CFAP77: variants seen among roughly 807,000 people sequenced by gnomAD.
The protein encoded by CFAP77 is cilia- and flagella-associated protein 77.
A neutral mutation model predicts 31.1 loss-of-function variants in CFAP77; 25 were observed. The ratio of observed to expected loss-of-function variants is 0.80; its 90% CI spans 0.59 to 1.12. The LOEUF is 1.12. Ranked by LOEUF, CFAP77 falls within the 50% of genes most tolerant of loss-of-function variation. The pLI is 0.00. For missense variants in CFAP77, 377 were observed against 397.3 expected, an observed-to-expected ratio of 0.95 and a Z score of 0.44; for synonymous variants, 151 against 159.9, an observed-to-expected ratio of 0.94 and a Z score of 0.42.
chr9:132,556,473 G>C (rs1220853872), intron 5 of CFAP77, among the ~76,000 whole-genome samples: 1 of 152,114 alleles, frequency 6.6e-6, no homozygotes, highest in Non-Finnish European at 1.5e-5. Context: ...CATTGAAAGC[G>C]GCCTCACTGT....
chr9:132,560,152 T>C (rs564235852), intron 5 of CFAP77, among the ~76,000 whole-genome samples: 1 of 152,262 alleles, frequency 6.6e-6, no homozygotes, highest in East Asian at 1.9e-4. Flanking sequence ...AGGTTTATGG[T>C]ATGTGAATTA....
chr9:132,429,204 C>T (rs1490436716), intron 1 of CFAP77, among the ~76,000 whole-genome samples: 1 of 151,698 alleles, frequency 6.6e-6, no homozygotes, highest in Non-Finnish European at 1.5e-5. Context: ...AGTGGTTTTT[C>T]TTCTGAGTAT....
In CFAP77 at chr9:132,481,546, G is replaced by A. The variant is rs1851446838; in HGVS notation, c.196-17149G>A. Among the ~76,000 whole-genome samples, 1 of 152,224 alleles carries A rather than the reference G, an allele frequency of 6.6e-6. No individual in the cohort carries two copies. Among genetic ancestry groups the A allele is most frequent in the African/African-American group, 2.4e-5 (1 of 41,452 alleles). ...TGGCTGCTGCCCCGCTCCTGCTAGA[G>A]GAGGAGAAGCATTGCTGCTGAGGCC... On this transcript the variant is annotated intron_variant, in intron 1 of 5. Coordinates refer to ENST00000393216, the MANE Select transcript of CFAP77 (RefSeq NM_001282957.2). The surrounding 1 kb of genome is among the most constrained non-coding windows in gnomAD (Gnocchi z 5.0).
intron 1 of CFAP77, among the ~76,000 whole-genome samples, chr9:132,488,355 G>C (rs1327790689): frequency 6.6e-6 from 1 of 152,204 alleles, no homozygotes; most frequent in Non-Finnish European, 1.5e-5. Context: ...AACAAAGCCA[G>C]CTGGCTTCCC....
chr9:132,448,010 G>T (rs1221410056), intron 1 of CFAP77, among the ~76,000 whole-genome samples: 1 of 152,224 alleles, frequency 6.6e-6, no homozygotes, highest in East Asian at 1.9e-4. Flanking sequence ...TATGTGCTTT[G>T]TTTGGGAGTG....
chr9:132,472,139 T>C (rs1233581981), intron 1 of CFAP77, among the ~76,000 whole-genome samples: 1 of 152,174 alleles, frequency 6.6e-6, no homozygotes, highest in Non-Finnish European at 1.5e-5. Context: ...TCCTTTCTGT[T>C]ACTCAGAAAA....
intron 3 of CFAP77, among the ~76,000 whole-genome samples, chr9:132,532,922 G>A (rs57559460): frequency 0.02 from 3,056 of 152,282 alleles, 95 homozygotes; most frequent in Admixed American, 0.079. Context: ...ATATGGTGGC[G>A]CACGCCTGAG....
chr9:132,443,349 G>A (rs1423130126), intron 1 of CFAP77, among the ~76,000 whole-genome samples: 2 of 151,672 alleles, frequency 1.3e-5, no homozygotes, highest in Admixed American at 1.3e-4. Context: ...CGCCTCCCGG[G>A]TTCAAGCGAT....
chr9:132,562,146 C>T (rs1257487573), intron 5 of CFAP77, among the ~76,000 whole-genome samples: 1 of 152,192 alleles, frequency 6.6e-6, no homozygotes, highest in South Asian at 2.1e-4. Flanking sequence ...GAATCCTGCC[C>T]ACATCTCCAA....
chr9:132,485,888 G>A (rs1474025220), intron 1 of CFAP77, among the ~76,000 whole-genome samples: 10 of 148,748 alleles, frequency 6.7e-5, no homozygotes, highest in African/African-American at 2.5e-4. Flanking sequence ...ACAAGGAATC[G>A]GGGCCCAGGT....
rs1040050296 is a variant in CFAP77, at chr9:132,480,369, C to T, written c.196-18326C>T. 5.9e-5 allele frequency among the ~76,000 whole-genome samples: 9 copies of T among 152,186 alleles called. No individual in the cohort carries two copies. Among genetic ancestry groups the T allele is most frequent in the South Asian group, 2.1e-4 (1 of 4,820 alleles). On this transcript the variant is annotated intron_variant, in intron 1 of 5. Coordinates refer to ENST00000393216, the MANE Select transcript of CFAP77 (RefSeq NM_001282957.2). This position sits in a 1 kb window ranked among gnomAD's most constrained non-coding sequence, Gnocchi z 5.8. The stretch of plus-strand genomic sequence containing the variant: ...CTCAACTCCCTAGGGAATTTGAGAA[C>T]AGATTCCAGACCCTGTTCTGGAAGA...
chr9:132,561,743 G>A (rs1829814270), intron 5 of CFAP77, among the ~76,000 whole-genome samples: 2 of 151,622 alleles, frequency 1.3e-5, no homozygotes, highest in African/African-American at 2.4e-5. Context: ...CAAAACACAC[G>A]GCTCCTGCCC....
rs1027726709 is a variant in CFAP77, at chr9:132,511,613, G to T, written c.524+12013G>T. 6.6e-6 allele frequency among the ~76,000 whole-genome samples: 1 copy of T among 152,184 alleles called. No individual in the cohort carries two copies. Among genetic ancestry groups the T allele is most frequent in the Non-Finnish European group, 1.5e-5 (1 of 68,042 alleles). On this transcript the variant is annotated intron_variant, in intron 3 of 5. Transcript: ENST00000393216. The surrounding 1 kb of genome is among the most constrained non-coding windows in gnomAD (Gnocchi z 5.8). ...GATTTTGGGAACAGGCACTATTCTAGTGCCAAGAGCACATGAGACGGCCAA... is the reference window on the plus strand; with the variant it reads ...GATTTTGGGAACAGGCACTATTCTATTGCCAAGAGCACATGAGACGGCCAA...
intron 1 of CFAP77, among the ~76,000 whole-genome samples, chr9:132,437,938 A>C (rs1281876951): frequency 6.6e-6 from 1 of 151,102 alleles, no homozygotes; most frequent in Non-Finnish European, 1.5e-5. Flanking sequence ...GGCCAGGCGC[A>C]GTGGCTCACT....
chr9:132,481,102 C>G lies in CFAP77; in HGVS notation c.196-17593C>G, dbSNP rs910697550. On this transcript the variant is annotated intron_variant, in intron 1 of 5. Transcript: ENST00000393216. The surrounding 1 kb of genome is among the most constrained non-coding windows in gnomAD (Gnocchi z 5.0). ...ATTTTAGCCATTTAGAGCCCACCTGCTTTGCACACCCACAAAGCCACACTC... is the reference window on the plus strand; with the variant it reads ...ATTTTAGCCATTTAGAGCCCACCTGGTTTGCACACCCACAAAGCCACACTC... 3.9e-5 allele frequency among the ~76,000 whole-genome samples: 6 copies of G among 152,212 alleles called. No homozygotes were observed. The highest frequency in any genetic ancestry group is 1.3e-4 in the Admixed American group (2 of 15,282).
intron 1 of CFAP77, among the ~76,000 whole-genome samples, chr9:132,476,342 C>A (rs1363704129): frequency 6.6e-6 from 1 of 152,170 alleles, no homozygotes; most frequent in Non-Finnish European, 1.5e-5. Flanking sequence ...CCACCCTCCT[C>A]TTGTGGGGCT....
chr9:132,572,527 C>T lies in CFAP77; in HGVS notation c.*17C>T. The T allele has an allele frequency of 1.3e-6, 2 of 1,596,914 alleles. No individual in the cohort carries two copies. The highest frequency in any genetic ancestry group is 1.7e-6 in the Non-Finnish European group (2 of 1,176,874). ...CACCCCTAGCCCCTCCCTCCCCTGC[C>T]ACAAGAAGCCATCTTGACATAGTGG... On this transcript the variant is annotated 3_prime_UTR_variant, in exon 6 of 6. Transcript: ENST00000393216.
intron 3 of CFAP77, among the ~76,000 whole-genome samples, chr9:132,506,694 C>T (rs1329457154): frequency 3.9e-5 from 6 of 152,156 alleles, no homozygotes; most frequent in Non-Finnish European, 8.8e-5. Context: ...GTTATTATTA[C>T]TACCTCAGGT....
At position 132,455,308 on chromosome 9, in the gene CFAP77, A is replaced by T. The variant is rs528334773; in HGVS notation, c.196-43387A>T. Among the ~76,000 whole-genome samples, 1 of 152,264 alleles carries T rather than the reference A, an allele frequency of 6.6e-6. No individual in the cohort carries two copies. The highest frequency in any genetic ancestry group is 2.1e-4 in the South Asian group (1 of 4,820). ...GATCACCTGAGGTCAGGAGTTCGAG[A>T]TCAGCCTGGCCAACATGGCGAAACC... On this transcript the variant is annotated intron_variant, in intron 1 of 5. Transcript: ENST00000393216. The surrounding 1 kb of genome is among the most constrained non-coding windows in gnomAD (Gnocchi z 4.1).
Sources: gnomAD v4.1 joint callset for allele counts (sites outside exome capture counted in the v4.1 genomes callset) on GRCh38, gnomAD v4.1.1 for gene constraint, Gnocchi (gnomAD v3.1) non-coding constraint, MANE v1.5 for transcripts, NCBI Gene and HGNC (gene_info 2026-07-23, HGNC 2026-07-21) for gene names.